The following CADM2 variants were observed in gnomAD, a reference collection of about 807,000 sequenced individuals.
CADM2 encodes cell adhesion molecule 2.
In CADM2, 12 loss-of-function variants were observed where a neutral mutation model predicts 49.8. The observed-to-expected ratio is 0.24, with a 90% CI of 0.15 to 0.39. CADM2 has a LOEUF of 0.39. Ranked by LOEUF, CADM2 falls within the 10% of genes least tolerant of loss-of-function variation. The pLI, the probability that CADM2 is intolerant of heterozygous loss-of-function variation, is 1.00. For synonymous variants in CADM2, 214 were observed against 175.4 expected (o/e 1.22, Z -1.74); for missense variants, 378 against 492.3 (o/e 0.77, Z 2.20).
At chr3:85,383,843 A>G (rs547978157) in intron 1 of CADM2, among the ~76,000 whole-genome samples, 2 of 151,948 alleles carry the variant, frequency 1.3e-5, no homozygotes, top group Admixed American at 6.6e-5. Context: ...TTCCACCACT[A>G]TATAGTATTT....
chr3:85,935,928 C>A (rs1342256597), intron 7 of CADM2, 71 bp downstream of exon 7: 4 of 802,264 alleles, frequency 5.0e-6, no homozygotes, highest in African/African-American at 1.7e-5. Context: ...CAGCCTTTAA[C>A]TGTAGAAATC....
intron 1 of CADM2, among the ~76,000 whole-genome samples, chr3:85,410,415 T>G (rs1268944363): frequency 6.6e-6 from 1 of 152,206 alleles, no homozygotes; most frequent in Non-Finnish European, 1.5e-5. Context: ...CTCCTTTTCC[T>G]TTTTTGTATA....
chr3:85,696,572 G>T lies in CADM2; in HGVS notation c.62-29950G>T, dbSNP rs1028156222. Among the ~76,000 whole-genome samples, 3 of 151,692 alleles carry T rather than the reference G, an allele frequency of 2.0e-5. No homozygotes were observed. The East Asian group carries it at 5.8e-4, about 29-fold the overall frequency. ...TTGTCTGCCTTGTTGAAGATTAGTC[G>T]GTTATAAATATTTGTTAGATACATG... is the stretch of plus-strand genomic sequence containing the variant. On this transcript the variant is annotated intron_variant, in intron 1 of 9. Transcript: ENST00000383699.
At chr3:85,044,171 A>G (rs1238542651) in intron 1 of CADM2, among the ~76,000 whole-genome samples, 2 of 152,182 alleles carry the variant, frequency 1.3e-5, no homozygotes, top group African/African-American at 4.8e-5. Flanking sequence ...TCCTGTGCCT[A>G]TGACTTAAGA....
At chr3:85,144,900 T>G (rs1575973089) in intron 1 of CADM2, among the ~76,000 whole-genome samples, 1 of 152,204 alleles carries the variant, frequency 6.6e-6, no homozygotes, top group Non-Finnish European at 1.5e-5. Context: ...GCAAGTCTTT[T>G]AACTACTCTT....
At chr3:85,251,150 T>G (rs575533115) in intron 1 of CADM2, among the ~76,000 whole-genome samples, 1 of 152,044 alleles carries the variant, frequency 6.6e-6, no homozygotes, top group African/African-American at 2.4e-5. Flanking sequence ...TTATTGAATA[T>G]GCATTTTTTC....
intron 1 of CADM2, among the ~76,000 whole-genome samples, chr3:85,193,644 T>G (rs2041266136): frequency 1.3e-5 from 2 of 152,022 alleles, no homozygotes; most frequent in African/African-American, 4.8e-5. Flanking sequence ...GTCTCACTTT[T>G]CCTACCCTAG....
At chr3:85,460,119 A>G (rs961708253) in intron 1 of CADM2, among the ~76,000 whole-genome samples, 1 of 152,158 alleles carries the variant, frequency 6.6e-6, no homozygotes, top group Non-Finnish European at 1.5e-5. Context: ...ACGAGCTTGT[A>G]GAATTACTGT....
At chr3:85,561,336 C>G (rs1404071914) in intron 1 of CADM2, among the ~76,000 whole-genome samples, 1 of 152,094 alleles carries the variant, frequency 6.6e-6, no homozygotes, top group South Asian at 2.1e-4. Context: ...TTAAGTTCAA[C>G]GTCATTACAC....
chr3:85,532,574 C>G (rs1485190131), intron 1 of CADM2, among the ~76,000 whole-genome samples: 2 of 152,118 alleles, frequency 1.3e-5, no homozygotes, highest in African/African-American at 4.8e-5. Flanking sequence ...AAAATAAAAG[C>G]ATCAGTGTGT....
rs71108296 is a variant in CADM2 at position 85,522,993 on chromosome 3, G to GAA, written c.62-203514_62-203513dup. Among the ~76,000 whole-genome samples, 412 of 105,436 alleles carry GAA rather than the reference G, an allele frequency of 3.9e-3. 1 individual carries two copies. The Middle Eastern group carries it at 0.045, about 12-fold the overall frequency. The allele number at this position is 105,436 out of a possible 152,430, so 69.2% of individuals were successfully genotyped here. ...CATTATTTGTAGCCTACTTTTCCAA[G>GAA]AAAAAAAAAAAAAAAAGAAAACTTG... On this transcript the variant is annotated intron_variant, in intron 1 of 9. Transcript: ENST00000383699.
At chr3:85,307,273 C>A (rs1002549653) in intron 1 of CADM2, among the ~76,000 whole-genome samples, 1 of 151,268 alleles carries the variant, frequency 6.6e-6, no homozygotes, top group African/African-American at 2.4e-5. Flanking sequence ...TGGTCATATT[C>A]TTAAAATAAA....
chr3:85,921,993 C>A (rs1719179526), intron 6 of CADM2, among the ~76,000 whole-genome samples: 1 of 152,154 alleles, frequency 6.6e-6, no homozygotes, highest in East Asian at 1.9e-4. Flanking sequence ...TTCACCAGTA[C>A]CTTACTGTTT....
At chr3:85,291,373 T>C (rs565477611) in intron 1 of CADM2, among the ~76,000 whole-genome samples, 2 of 151,362 alleles carry the variant, frequency 1.3e-5, no homozygotes, top group African/African-American at 4.9e-5. Context: ...TGCAGGATAT[T>C]ATCCATGAGA....
At chr3:85,921,538 A>G (rs888290638) in intron 6 of CADM2, among the ~76,000 whole-genome samples, 3 of 152,030 alleles carry the variant, frequency 2.0e-5, no homozygotes, top group Non-Finnish European at 4.4e-5. Context: ...AGCTGAGCAG[A>G]AAGTACAGAG....
chr3:85,935,299 A>G (rs1721070158), intron 6 of CADM2, among the ~76,000 whole-genome samples: 1 of 152,114 alleles, frequency 6.6e-6, no homozygotes, highest in African/African-American at 2.4e-5. Context: ...GATTCTGCAT[A>G]ATACTTGTGA....
chr3:86,055,717 A>G (rs1433061481), intron 8 of CADM2, among the ~76,000 whole-genome samples: 1 of 152,006 alleles, frequency 6.6e-6, no homozygotes, highest in Non-Finnish European at 1.5e-5. Flanking sequence ...ACCTCCTAAT[A>G]TCATCACGTT....
chr3:85,170,822 T>C (rs2040605336), intron 1 of CADM2, among the ~76,000 whole-genome samples: 1 of 152,172 alleles, frequency 6.6e-6, no homozygotes, highest in Admixed American at 6.5e-5. Context: ...GTGAGAGTCT[T>C]GGTTAAGTTC....
intron 7 of CADM2, among the ~76,000 whole-genome samples, chr3:85,958,120 T>G (rs752430262): frequency 6.6e-6 from 1 of 151,952 alleles, no homozygotes; most frequent in Non-Finnish European, 1.5e-5. Context: ...AACAACCCCA[T>G]CTGAAAGTGG....
Sources: gnomAD v4.1 joint callset for allele counts (sites outside exome capture counted in the v4.1 genomes callset) on GRCh38, gnomAD v4.1.1 for gene constraint, MANE v1.5 for transcripts, NCBI Gene and HGNC (gene_info 2026-07-23, HGNC 2026-07-21) for gene names.